Variants in GYPE observed in about 807,000 individuals in gnomAD.
GYPE encodes glycophorin E (MNS blood group).
GYPE carries 8 observed loss-of-function variants against 11.6 expected under a neutral mutation model. That is an observed-to-expected ratio of 0.69 (90% CI 0.41 to 1.25). The LOEUF (loss-of-function observed/expected upper bound fraction) is 1.25, where lower values mean the gene tolerates loss of function less well. GYPE is among the 50% of genes most tolerant of loss of function. The pLI, the probability that GYPE is intolerant of heterozygous loss-of-function variation, is 0.01. For synonymous variants in GYPE, 28 were observed against 29.6 expected, an observed-to-expected ratio of 0.94 and a Z score of 0.18; for missense variants, 90 against 92.8, an observed-to-expected ratio of 0.97 and a Z score of 0.12.
At chr4:143,901,451 A>G (rs1744864930) in intron 1 of GYPE, among the ~76,000 whole-genome samples, 1 of 142,088 alleles carries the variant, frequency 7.0e-6, no homozygotes, top group African/African-American at 2.6e-5. Context: ...TACAATCCCA[A>G]CACTCAGAGA....
chr4:143,893,648 T>C (rs1230176812), intron 1 of GYPE, among the ~76,000 whole-genome samples: 1 of 152,220 alleles, frequency 6.6e-6, no homozygotes, highest in Non-Finnish European at 1.5e-5. Context: ...CCCCGCTCTC[T>C]TCTGGCTTGT....
chr4:143,879,717 A>G (rs1485300228), intron 2 of GYPE, among the ~76,000 whole-genome samples: 1 of 152,330 alleles, frequency 6.6e-6, no homozygotes, highest in East Asian at 1.9e-4. Flanking sequence ...ATATAAGAGA[A>G]GTTGAGAAAG....
intron 1 of GYPE, among the ~76,000 whole-genome samples, chr4:143,896,720 C>A (rs1324109352): frequency 6.6e-6 from 1 of 152,056 alleles, no homozygotes; most frequent in African/African-American, 2.4e-5. Context: ...ATGTTTATTG[C>A]GGCACTATTC....
At chr4:143,876,632 T>C in intron 3 of GYPE, 114 bp downstream of exon 3, 1 of 646,870 alleles carries the variant, frequency 1.5e-6, no homozygotes, top group Non-Finnish European at 2.8e-6. Context: ...TTGAAAAAGA[T>C]GGAATTTTAT....
intron 1 of GYPE, among the ~76,000 whole-genome samples, chr4:143,896,138 G>A (rs888017829): frequency 7.2e-5 from 11 of 152,016 alleles, no homozygotes; most frequent in East Asian, 3.9e-4. Context: ...AATGGCAACA[G>A]AAGCCAAAAT....
intron 3 of GYPE, among the ~76,000 whole-genome samples, chr4:143,874,560 A>G (rs1337743396): frequency 6.6e-6 from 1 of 152,224 alleles, no homozygotes; most frequent in Admixed American, 6.5e-5. Context: ...GGAGGCATAC[A>G]GCATATGGCC....
chr4:143,876,350 A>G (rs1337910134), intron 3 of GYPE, among the ~76,000 whole-genome samples: 7 of 152,098 alleles, frequency 4.6e-5, no homozygotes, highest in Admixed American at 2.0e-4. Context: ...CTGAGCTCAA[A>G]CAATCCTCCT....
At chr4:143,881,914 C>T (rs1744035232) in intron 1 of GYPE, among the ~76,000 whole-genome samples, 1 of 152,154 alleles carries the variant, frequency 6.6e-6, no homozygotes, top group Non-Finnish European at 1.5e-5. Context: ...CTCAAAGTTT[C>T]CTGGAGAGCA....
At chr4:143,879,031 A>G (rs1743919465) in intron 2 of GYPE, among the ~76,000 whole-genome samples, 1 of 152,192 alleles carries the variant, frequency 6.6e-6, no homozygotes, top group African/African-American at 2.4e-5. Context: ...AAGGAGGCAT[A>G]TGGAGCCATT....
chr4:143,882,022 A>G (rs1744038351), intron 1 of GYPE, among the ~76,000 whole-genome samples: 2 of 152,136 alleles, frequency 1.3e-5, no homozygotes, highest in Non-Finnish European at 2.9e-5. Context: ...ATAGGTAATC[A>G]GTTTACCTCC....
chr4:143,905,044 G>A (rs1745008259), intron 1 of GYPE, among the ~76,000 whole-genome samples: 1 of 151,812 alleles, frequency 6.6e-6, no homozygotes, highest in Non-Finnish European at 1.5e-5. Context: ...CATGCTTTTG[G>A]CTTCTCACCA....
intron 1 of GYPE, among the ~76,000 whole-genome samples, chr4:143,902,896 G>C (rs1036765619): frequency 6.6e-6 from 1 of 152,118 alleles, no homozygotes; most frequent in Non-Finnish European, 1.5e-5. Context: ...CCTAGTTGAA[G>C]TGATATAGTA....
intron 1 of GYPE, among the ~76,000 whole-genome samples, chr4:143,885,399 A>T (rs1483195894): frequency 6.6e-6 from 1 of 152,182 alleles, no homozygotes; most frequent in Non-Finnish European, 1.5e-5. Context: ...TTAACACTCT[A>T]GCAAATAGGT....
At chr4:143,882,027 A>G (rs975264333) in intron 1 of GYPE, among the ~76,000 whole-genome samples, 12 of 152,114 alleles carry the variant, frequency 7.9e-5, no homozygotes, top group Non-Finnish European at 1.6e-4. Context: ...TAATCAGTTT[A>G]CCTCCAAATC....
chr4:143,873,033 A>G (rs1282704329), intron 3 of GYPE, among the ~76,000 whole-genome samples: 2 of 152,130 alleles, frequency 1.3e-5, no homozygotes, highest in Non-Finnish European at 2.9e-5. Flanking sequence ...AGTTTGAAAA[A>G]ATTGCTCTGT....
At chr4:143,876,576 A>G (rs373706490) in intron 3 of GYPE, among the ~76,000 whole-genome samples, 170 bp downstream of exon 3, 1 of 151,852 alleles carries the variant, frequency 6.6e-6, no homozygotes, top group East Asian at 1.9e-4. Context: ...GGCAAATGCA[A>G]AAAATAAATT....
At chr4:143,882,028 C>G (rs921083901) in intron 1 of GYPE, among the ~76,000 whole-genome samples, 1 of 152,142 alleles carries the variant, frequency 6.6e-6, no homozygotes, top group African/African-American at 2.4e-5. Context: ...AATCAGTTTA[C>G]CTCCAAATCA....
intron 3 of GYPE, chr4:143,873,511 C>A (rs185408605): frequency 4.4e-6 from 2 of 454,386 alleles, no homozygotes; most frequent in Admixed American, 2.4e-5. Flanking sequence ...GGGTCAAGAA[C>A]AATCTATGAG....
chr4:143,875,959 G>A (rs1743788568), intron 3 of GYPE, among the ~76,000 whole-genome samples: 1 of 150,428 alleles, frequency 6.6e-6, no homozygotes, highest in Non-Finnish European at 1.5e-5. Flanking sequence ...CTGGGTGACA[G>A]AGGGAAACTC....
Sources: allele counts gnomAD v4.1 joint callset (sites outside exome capture counted in the v4.1 genomes callset), GRCh38; gene constraint gnomAD v4.1.1; transcripts MANE v1.5; gene names NCBI Gene and HGNC (gene_info 2026-07-23, HGNC 2026-07-21).